Variants in TTN observed in about 807,000 individuals in gnomAD.
The protein encoded by TTN is connectin.
TTN carries 1,525 observed loss-of-function variants against 3,223.0 expected under a neutral mutation model. The observed-to-expected ratio is 0.47, with a 90% confidence interval of 0.45 to 0.49. TTN has a LOEUF of 0.49. Ranked by LOEUF, TTN falls within the 20% of genes least tolerant of loss-of-function variation. The pLI is 0.00. For synonymous variants in TTN, 14,094 were observed against 15,161.0 expected, an observed-to-expected ratio of 0.93 and a Z score of 5.17; for missense variants, 40,786 against 43,424.0, an observed-to-expected ratio of 0.94 and a Z score of 5.40.
In TTN at chr2:178,775,549, T is replaced by C; in HGVS notation, c.6315A>G (p.Pro2105=). 2 of 1,614,042 alleles carry C rather than the reference T, an allele frequency of 1.2e-6. No individual in the cohort carries two copies. The highest frequency in any genetic ancestry group is 1.7e-6 in the Non-Finnish European group (2 of 1,179,990). Residue 2105 remains proline, a synonymous_variant, in exon 28 of 363, where the codon CCA becomes CCG. Transcript: ENST00000589042. The part of the protein sequence containing the change: ...AHFRVRVVGK[P]DPECEWYKNG... ...TTTTGTACCATTCACATTCGGGGTC[T>C]GGTTTCCCCACGACTCTGACCCGGA...
rs750271660 is a variant in TTN at position 178,590,465 on chromosome 2, C to A, written c.61260G>T (p.Arg20420Ser). Residue 20420 changes from arginine to serine, a missense_variant, in exon 304 of 363, where the codon AGG (arginine) becomes AGT (serine). By Grantham distance (110) the Arg-to-Ser change is moderately radical. Transcript: ENST00000589042. ...GCCTAATGAGTTCATCTTTATTAAT[C>A]CTGTTCCATTGTGCTGTGCCAGGTT... ...CQKPGTAQWN[R>S]INKDELIRQC... 57 of 1,613,046 alleles carry A rather than the reference C, an allele frequency of 3.5e-5. No individual in the cohort carries two copies. The highest frequency in any genetic ancestry group is 4.7e-5 in the Non-Finnish European group (56 of 1,179,418).
rs1409843000 is a variant in TTN at position 178,650,208 on chromosome 2, A to G, written c.39773T>C (p.Val13258Ala). 1 of 1,598,002 alleles carries G rather than the reference A, an allele frequency of 6.3e-7. No homozygotes were observed. The highest frequency in any genetic ancestry group is 8.5e-7 in the Non-Finnish European group (1 of 1,171,334). ...TGGTTCCTCCTCTTCTGCAACAGGAACTGGCTTTTCCTCTTCAGGAGCAAT... is the reference window on the plus strand; with the variant it reads ...TGGTTCCTCCTCTTCTGCAACAGGAGCTGGCTTTTCCTCTTCAGGAGCAAT... ...EEIAPEEEKP[V>A]PVAEEEEPEV... The change falls in exon 210 of 363, where the codon GTT (valine) becomes GCT (alanine). Residue 13258 changes from valine to alanine, a missense_variant. Transcript: ENST00000589042.
rs527471556 is a variant in TTN at position 178,785,893 on chromosome 2, A to G, written c.2325T>C (p.Thr775=). The change falls in exon 14 of 363, where the codon ACT becomes ACC. Residue 775 remains threonine, a synonymous_variant. Transcript: ENST00000589042. The part of the protein sequence containing the change: ...KPRVIQAPSE[T]HIKTTDQKGM... Reference sequence around the variant, plus strand: ...CCTTTTGATCAGTAGTTTTGATATGAGTCTCAGAAGGAGCCTGGATTACTC... The same window carrying G: ...CCTTTTGATCAGTAGTTTTGATATGGGTCTCAGAAGGAGCCTGGATTACTC... 1 of 1,614,072 alleles carries G rather than the reference A, an allele frequency of 6.2e-7. No homozygotes were observed. Among genetic ancestry groups the G allele is most frequent in the Admixed American group, 1.7e-5 (1 of 60,016 alleles).
Position 178,570,468 on chromosome 2 carries a change from A to G in TTN, c.75664T>C (p.Cys25222Arg), listed in dbSNP as rs1227452982. The G allele has an allele frequency of 2.5e-6, 4 of 1,612,990 alleles. No individual in the cohort carries two copies. Among genetic ancestry groups the G allele is most frequent in the Non-Finnish European group, 3.4e-6 (4 of 1,179,548 alleles). ...AGTGGGGGTTTCCAAGCTAGTGTGCATTTTTCTGCTGTAACTCCTGAGATA... is the reference window on the plus strand; with the variant it reads ...AGTGGGGGTTTCCAAGCTAGTGTGCGTTTTTCTGCTGTAACTCCTGAGATA... ...VVISGVTAEK[C>R]TLAWKPPLQD... The change falls in exon 326 of 363, where the codon TGC becomes CGC. Residue 25222 changes from cysteine (C) to arginine (R), a missense_variant. Physicochemically the swap from Cys to Arg is radical, Grantham distance 180. Coordinates refer to ENST00000589042, the MANE Select transcript of TTN (RefSeq NM_001267550.2).
chr2:178,539,674 G>C lies in TTN; in HGVS notation c.98391C>G (p.Asn32797Lys). The C allele has an allele frequency of 6.2e-7, 1 of 1,613,694 alleles. No homozygotes were observed. The highest frequency in any genetic ancestry group is 8.5e-7 in the Non-Finnish European group (1 of 1,179,802). Residue 32797 changes from asparagine to lysine, a missense_variant, in exon 352 of 363, where the codon AAC (asparagine) becomes AAG (lysine). Transcript: ENST00000589042. ...CATATTCCAGTGGCCCTTCTGGACTGTTGGGACTTCCTATCACCCTGACCT... is the reference window on the plus strand; with the variant it reads ...CATATTCCAGTGGCCCTTCTGGACTCTTGGGACTTCCTATCACCCTGACCT... ...YIKVRVIGSPNSPEGPLEYDD... is the reference protein window; with the variant it reads ...YIKVRVIGSPKSPEGPLEYDD...
Position 178,729,695 on chromosome 2 carries a change from C to A in TTN, c.18558G>T (p.Thr6186=). 1 of 1,613,696 alleles carries A rather than the reference C, an allele frequency of 6.2e-7. No homozygotes were observed. Among genetic ancestry groups the A allele is most frequent in the Non-Finnish European group, 8.5e-7 (1 of 1,179,712 alleles). Residue 6186 remains threonine (T), a synonymous_variant, in exon 63 of 363, where the codon ACG becomes ACT. Coordinates refer to ENST00000589042, the MANE Select transcript of TTN (RefSeq NM_001267550.2). ...YVCEARNDAG[T]ASCSIELKVK... ...CTTTGAGTTCAATGCTGCAGCTCGC[C>A]GTGCCTGCGTCATTTCGAGCTTCAC... is the stretch of plus-strand genomic sequence containing the variant.
rs779746067 is a variant in TTN at position 178,552,238 on chromosome 2, G to A, written c.90662C>T (p.Thr30221Ile). The A allele has an allele frequency of 1.2e-6, 2 of 1,613,448 alleles. No homozygotes were observed. Among genetic ancestry groups the A allele is most frequent in the Non-Finnish European group, 1.7e-6 (2 of 1,179,626 alleles). ...CRIAVPITVITLGPPSKPKGP... is the reference protein window; with the variant it reads ...CRIAVPITVIILGPPSKPKGP... ...TTTGGGCTTTGATGGTGGGCCAAGGGTGATGACTGTAATGGGGACTGCAAT... is the reference window on the plus strand; with the variant it reads ...TTTGGGCTTTGATGGTGGGCCAAGGATGATGACTGTAATGGGGACTGCAAT... The change falls in exon 335 of 363, where the codon ACC becomes ATC. Residue 30221 changes from threonine (T) to isoleucine (I), a missense_variant. Thr to Ile is a moderately conservative substitution (Grantham distance 89). Transcript: ENST00000589042.
At chr2:178,621,812 A>G in intron 244 of TTN, 28 bp downstream of exon 244, 1 of 1,611,114 alleles carries the variant, frequency 6.2e-7, no homozygotes, top group Non-Finnish European at 8.5e-7. Flanking sequence ...CAACACATAT[A>G]CTTCACAAAG....
rs763048313 is a variant in TTN, at chr2:178,804,529, A to C, written c.91+23T>G. The C allele has an allele frequency of 2.5e-6, 4 of 1,612,460 alleles. No individual in the cohort carries two copies. In the South Asian group the frequency reaches 4.4e-5, roughly 18 times the overall value. ...AGAGGAGGCAAAGGAAAAAAAAACAAAAGTGTGAATGTGTGAGCTTACCAC... is the reference window on the plus strand; with the variant it reads ...AGAGGAGGCAAAGGAAAAAAAAACACAAGTGTGAATGTGTGAGCTTACCAC... On this transcript the variant is annotated intron_variant, in intron 2 of 362. Coordinates refer to ENST00000589042, the MANE Select transcript of TTN (RefSeq NM_001267550.2).
intron 153 of TTN, 74 bp downstream of exon 153, chr2:178,672,561 A>C (rs563610699): frequency 1.3e-6 from 2 of 1,599,780 alleles, no homozygotes; most frequent in Non-Finnish European, 1.7e-6. Context: ...CAATCAAGAC[A>C]CAGAGACATG....
chr2:178,766,495 C>T lies in TTN; in HGVS notation c.9589G>A (p.Val3197Ile), dbSNP rs1574506119. The T allele has an allele frequency of 3.7e-6, 6 of 1,614,076 alleles. No individual in the cohort carries two copies. Among genetic ancestry groups the T allele is most frequent in the East Asian group, 2.2e-5 (1 of 44,856 alleles). ...ATTCGGTGGATTCTTCTTTCCACTA[C>T]ATATTTGTGTCGTTCTTGAACTTGG... is the stretch of plus-strand genomic sequence containing the variant. Reference protein sequence around the residue: ...NFQVQERHKYVVERRIHRMFI... With the variant: ...NFQVQERHKYIVERRIHRMFI... Residue 3197 changes from valine (V) to isoleucine (I), a missense_variant, in exon 41 of 363, where the codon GTA becomes ATA. Physicochemically the swap from Val to Ile is conservative, Grantham distance 29. Coordinates refer to ENST00000589042, the MANE Select transcript of TTN (RefSeq NM_001267550.2).
At position 178,733,238 on chromosome 2, in the gene TTN, C is replaced by A; in HGVS notation, c.16054+1G>T. The stretch of plus-strand genomic sequence containing the variant: ...TAGCATCATTTTCTAAAAATACTAA[C>A]CTAATACAGTGAATGTAGTCTCACA... On this transcript the variant is annotated splice_donor_variant, in intron 54 of 362. Coordinates refer to ENST00000589042, the MANE Select transcript of TTN (RefSeq NM_001267550.2). LOFTEE classifies it high-confidence loss of function. The A allele has an allele frequency of 6.3e-7, 1 of 1,590,554 alleles. No individual in the cohort carries two copies.
chr2:178,632,477 A>C (rs1476323965), intron 235 of TTN, 49 bp downstream of exon 235: 9 of 1,590,452 alleles, frequency 5.7e-6, no homozygotes, highest in Non-Finnish European at 7.7e-6. Flanking sequence ...TATAAAACTA[A>C]AGGCAAAAAA....
At chr2:178,678,717 A>C in intron 143 of TTN, 30 bp downstream of exon 143, 1 of 1,592,654 alleles carries the variant, frequency 6.3e-7, no homozygotes, top group Non-Finnish European at 8.5e-7. Flanking sequence ...ATGTGAAATA[A>C]AAATATTGCA....
At position 178,651,905 on chromosome 2, in the gene TTN, C is replaced by G; in HGVS notation, c.39358G>C (p.Glu13120Gln). The G allele has an allele frequency of 6.2e-7, 1 of 1,609,634 alleles. No individual in the cohort carries two copies. Among genetic ancestry groups the G allele is most frequent in the African/African-American group, 1.3e-5 (1 of 74,952 alleles). ...GTACCTTGTGGAGGCGCCGCTGGCT[C>G]TGGCTCTTCCACAACTTCAGCAGGA... ...EPPAEVVEEP[E>Q]PAAPPQVTVP... The change falls in exon 205 of 363, where the codon GAG becomes CAG. Residue 13120 changes from glutamate (E) to glutamine (Q), a missense_variant. By Grantham distance (29) the Glu-to-Gln change is conservative. Transcript: ENST00000589042.
intron 216 of TTN, 24 bp downstream of exon 216, chr2:178,646,461 A>T: frequency 1.3e-6 from 2 of 1,489,610 alleles, no homozygotes; most frequent in Non-Finnish European, 1.8e-6. Flanking sequence ...GATAAAGAAG[A>T]TTTAAGTCCA....
chr2:178,714,545 A>G lies in TTN; in HGVS notation c.26229T>C (p.Ser8743=), dbSNP rs2077169820. 1.2e-5 allele frequency: 19 copies of G among 1,607,328 alleles called. No homozygotes were observed. Among genetic ancestry groups the G allele is most frequent in the Non-Finnish European group, 1.6e-5 (19 of 1,175,574 alleles). ...CTTTACCAACGACAGTAGATATGTCACTGAGCTTCTTCACAAATCTTGGTG... is the reference window on the plus strand; with the variant it reads ...CTTTACCAACGACAGTAGATATGTCGCTGAGCTTCTTCACAAATCTTGGTG... ...KAPPRFVKKL[S]DISTVVGKEV... Residue 8743 remains serine (S), a synonymous_variant, in exon 91 of 363, where the codon AGT becomes AGC. Coordinates refer to ENST00000589042, the MANE Select transcript of TTN (RefSeq NM_001267550.2).
In TTN at chr2:178,562,386, C is replaced by G. The variant is rs770267115; in HGVS notation, c.83746G>C (p.Val27916Leu). 1 of 1,611,556 alleles carries G rather than the reference C, an allele frequency of 6.2e-7. No individual in the cohort carries two copies. Among genetic ancestry groups the G allele is most frequent in the Non-Finnish European group, 8.5e-7 (1 of 1,179,028 alleles). Reference protein sequence around the residue: ...GSEKWSTCTQVKTLEATISGL... With the variant: ...GSEKWSTCTQLKTLEATISGL... The stretch of plus-strand genomic sequence containing the variant: ...GATATAGTTGCTTCTAGAGTCTTAA[C>G]TTGTGTGCAGGTGCTCCACTTTTCA... Residue 27916 changes from valine to leucine, a missense_variant, in exon 326 of 363, where the codon GTT (valine) becomes CTT (leucine). By Grantham distance (32) the Val-to-Leu change is conservative (BLOSUM62 1). Transcript: ENST00000589042.
chr2:178,790,868 G>A (rs1415395854), intron 10 of TTN, 23 bp from the exon 11 acceptor site: 7 of 1,613,318 alleles, frequency 4.3e-6, no homozygotes, highest in Admixed American at 1.7e-5. Context: ...GTAAAATAAA[G>A]ATTTGAGTTT....
Sources: allele counts gnomAD v4.1 joint callset, GRCh38; gene constraint gnomAD v4.1.1; transcripts MANE v1.5; gene names NCBI Gene and HGNC (gene_info 2026-07-23, HGNC 2026-07-21).